The following CTNNA3 variants were observed in gnomAD, a reference collection of about 807,000 sequenced individuals.
CTNNA3 encodes the protein catenin alpha-3.
Under a neutral mutation model 95.7 loss-of-function variants are expected in CTNNA3, and 76 were observed. That is an observed-to-expected ratio of 0.79 (90% CI 0.66 to 0.96). The LOEUF (loss-of-function observed/expected upper bound fraction) is 0.96, where lower values mean the gene tolerates loss of function less well. Among genes scored for constraint, CTNNA3 ranks in the 40% least tolerant of loss-of-function variants. The pLI, the probability that CTNNA3 is intolerant of heterozygous loss-of-function variation, is 0.00. For missense variants in CTNNA3, 1,191 were observed against 1,089.8 expected (o/e 1.09, Z -1.31); for synonymous variants, 431 against 374.4 (o/e 1.15, Z -1.74).
chr10:66,529,439 G>GTTT lies in CTNNA3; in HGVS notation c.1375-8669_1375-8667dup, dbSNP rs201667838. ...GAGCCACCGAGCCCAGCCAAACAGT[G>GTTT]TTTTTTTTTTGTTTTTTTTTTTTAA... On this transcript the variant is annotated intron_variant, in intron 10 of 17. Coordinates refer to ENST00000433211, the MANE Select transcript of CTNNA3 (RefSeq NM_013266.4). 5.0e-3 allele frequency among the ~76,000 whole-genome samples: 253 copies of GTTT among 50,388 alleles called. 3 individuals are homozygous for GTTT. The highest frequency in any genetic ancestry group is 9.9e-3 in the Admixed American group (49 of 4,928). 33.1% of individuals were successfully genotyped at this position (50,388 alleles called of 152,430 possible).
chr10:66,231,266 C>T (rs207471105), intron 13 of CTNNA3, among the ~76,000 whole-genome samples: 43 of 152,226 alleles, frequency 2.8e-4, no homozygotes, highest in African/African-American at 8.7e-4. Context: ...GGCTTGCAGA[C>T]AATCCTGGCC....
At chr10:66,803,285 A>G (rs781626615) in intron 7 of CTNNA3, among the ~76,000 whole-genome samples, 2 of 151,980 alleles carry the variant, frequency 1.3e-5, no homozygotes, top group African/African-American at 2.4e-5. Flanking sequence ...TCAACTACTT[A>G]CAATTCCCCA....
chr10:66,639,666 G>T (rs74143451), intron 9 of CTNNA3, among the ~76,000 whole-genome samples: 3 of 151,976 alleles, frequency 2.0e-5, no homozygotes, highest in Admixed American at 6.6e-5. Flanking sequence ...CCAGTAAAAA[G>T]ATAAAACTTG....
chr10:66,866,577 C>T (rs183085771), intron 7 of CTNNA3, among the ~76,000 whole-genome samples: 3 of 152,272 alleles, frequency 2.0e-5, no homozygotes, highest in Admixed American at 6.5e-5. Flanking sequence ...ATTTGAAACA[C>T]GTATTTTATT....
intron 5 of CTNNA3, among the ~76,000 whole-genome samples, chr10:67,489,793 T>C (rs1228458994): frequency 6.7e-6 from 1 of 148,748 alleles, no homozygotes; most frequent in Non-Finnish European, 1.5e-5. Context: ...TGATTTTATA[T>C]ATATATATAT....
At chr10:66,426,671 C>T (rs2093244331) in intron 11 of CTNNA3, among the ~76,000 whole-genome samples, 2 of 151,598 alleles carry the variant, frequency 1.3e-5, no homozygotes, top group African/African-American at 2.4e-5. Context: ...TGCCTCTTAC[C>T]ATTAACTTCT....
At chr10:67,726,010 A>AT (rs1178296908) in intron 1 of CTNNA3, among the ~76,000 whole-genome samples, 1 of 136,936 alleles carries the variant, frequency 7.3e-6, no homozygotes, top group East Asian at 2.1e-4. Context: ...TTATATATCT[A>AT]AATCCACATA....
At chr10:66,431,128 T>G (rs1564956030) in intron 11 of CTNNA3, among the ~76,000 whole-genome samples, 1 of 151,442 alleles carries the variant, frequency 6.6e-6, no homozygotes, top group African/African-American at 2.4e-5. Flanking sequence ...TTATGCAGCC[T>G]ACAGACACAT....
At chr10:66,756,214 G>A (rs1839357085) in intron 9 of CTNNA3, among the ~76,000 whole-genome samples, 1 of 152,108 alleles carries the variant, frequency 6.6e-6, no homozygotes, top group South Asian at 2.1e-4. Context: ...GAAAAAAGAG[G>A]AGGACAGGAA....
At chr10:67,133,354 C>CAT (rs1860128794) in intron 7 of CTNNA3, among the ~76,000 whole-genome samples, 1 of 80,836 alleles carries the variant, frequency 1.2e-5, no homozygotes, top group Non-Finnish European at 2.3e-5. Flanking sequence ...ATGGTAGATA[C>CAT]ATACATACAT....
At chr10:66,262,810 C>T (rs1248384758) in intron 13 of CTNNA3, among the ~76,000 whole-genome samples, 1 of 151,722 alleles carries the variant, frequency 6.6e-6, no homozygotes. Context: ...TTACTTTAAA[C>T]ATTTTTATTA....
At chr10:66,305,810 A>T (rs1589058965) in intron 12 of CTNNA3, among the ~76,000 whole-genome samples, 1 of 152,336 alleles carries the variant, frequency 6.6e-6, no homozygotes, top group East Asian at 1.9e-4. Context: ...CCCTTGTTAC[A>T]ATGGTGGACA....
At chr10:67,261,721 T>C (rs1417370442) in intron 5 of CTNNA3, among the ~76,000 whole-genome samples, 2 of 152,194 alleles carry the variant, frequency 1.3e-5, no homozygotes, top group African/African-American at 4.8e-5. Flanking sequence ...AATATTTTTA[T>C]TGTCTCTATT....
At chr10:66,485,534 AG>A (rs1839695379) in intron 11 of CTNNA3, among the ~76,000 whole-genome samples, 1 of 152,148 alleles carries the variant, frequency 6.6e-6, no homozygotes, top group African/African-American at 2.4e-5. Context: ...ATATTTAACC[AG>A]GAAGGTGAAA....
chr10:66,711,707 CTTG>C (rs1848302518), intron 9 of CTNNA3, among the ~76,000 whole-genome samples: 1 of 151,976 alleles, frequency 6.6e-6, no homozygotes, highest in South Asian at 2.1e-4. Context: ...TGCCACCACA[CTTG>C]GCTAATTTTT....
chr10:66,833,399 A>C (rs1369572166), intron 7 of CTNNA3, among the ~76,000 whole-genome samples: 1 of 152,232 alleles, frequency 6.6e-6, no homozygotes, highest in African/African-American at 2.4e-5. Flanking sequence ...GCATAATTGC[A>C]CTGACTACGT....
intron 5 of CTNNA3, among the ~76,000 whole-genome samples, chr10:67,481,010 G>A (rs10997656): frequency 0.17 from 25,752 of 152,160 alleles, 3,457 homozygotes; most frequent in East Asian, 0.35. Flanking sequence ...TCATGAAGCA[G>A]TGTTAGATTT....
At chr10:67,462,835 T>C (rs919734539) in intron 5 of CTNNA3, among the ~76,000 whole-genome samples, 28 of 152,166 alleles carry the variant, frequency 1.8e-4, no homozygotes, top group Admixed American at 5.2e-4. Context: ...TAACACAGAG[T>C]TTTCTTTTCC....
intron 5 of CTNNA3, chr10:67,346,800 C>T (rs1170139946): frequency 5.1e-6 from 2 of 391,738 alleles, no homozygotes; most frequent in East Asian, 7.5e-5. Flanking sequence ...CAAGATCATT[C>T]CCTCATGAAC....
Sources: gnomAD v4.1 joint callset for allele counts (sites outside exome capture counted in the v4.1 genomes callset) on GRCh38, gnomAD v4.1.1 for gene constraint, MANE v1.5 for transcripts, NCBI Gene and HGNC (gene_info 2026-07-23, HGNC 2026-07-21) for gene names.